PTPRG: variants seen among roughly 807,000 people sequenced by gnomAD.
PTPRG encodes receptor-type tyrosine-protein phosphatase gamma.
PTPRG carries 102 observed loss-of-function variants against 165.3 expected under a neutral mutation model. The ratio of observed to expected loss-of-function variants is 0.62; its 90% CI spans 0.53 to 0.73. PTPRG has a LOEUF of 0.73. PTPRG is among the 30% of genes least tolerant of loss of function. The probability of loss-of-function intolerance (pLI) is 0.00; values close to 1 mark genes in which losing one functional copy is unlikely to be tolerated. For synonymous variants in PTPRG, 675 were observed against 669.5 expected, an observed-to-expected ratio of 1.01 and a Z score of -0.13; for missense variants, 1,866 against 1,861.4, an observed-to-expected ratio of 1.00 and a Z score of -0.05.
At chr3:62,209,156 A>G (rs1700299745) in intron 12 of PTPRG, among the ~76,000 whole-genome samples, 1 of 152,214 alleles carries the variant, frequency 6.6e-6, no homozygotes, top group African/African-American at 2.4e-5. Context: ...GTGGTTCTCA[A>G]CCAGAGGGAA....
At chr3:61,667,505 C>G (rs1228333780) in intron 1 of PTPRG, among the ~76,000 whole-genome samples, 4 of 152,184 alleles carry the variant, frequency 2.6e-5, no homozygotes, top group Non-Finnish European at 4.4e-5. Context: ...CCAGCTACGA[C>G]TCTAAGCACT....
chr3:61,949,890 GGCACCCGCCACC>G (rs1258841355), intron 2 of PTPRG, among the ~76,000 whole-genome samples: 1 of 152,114 alleles, frequency 6.6e-6, no homozygotes, highest in Non-Finnish European at 1.5e-5. Context: ...TGGGACTACA[GGCACCCGCCACC>G]GTGCCCGGCT....
intron 1 of PTPRG, among the ~76,000 whole-genome samples, chr3:61,649,668 G>A (rs1038992484): frequency 1.1e-4 from 17 of 152,182 alleles, no homozygotes; most frequent in Non-Finnish European, 5.9e-5. Context: ...AATCACAGCA[G>A]GGCTAAATCA....
rs964957115 is a variant in PTPRG at position 62,252,304 on chromosome 3, G to A, written c.2468-2820G>A. 6.6e-6 allele frequency among the ~76,000 whole-genome samples: 1 copy of A among 152,104 alleles called. No homozygotes were observed. Among genetic ancestry groups the A allele is most frequent in the Non-Finnish European group, 1.5e-5 (1 of 68,012 alleles). On this transcript the variant is annotated intron_variant, in intron 15 of 29. Coordinates refer to ENST00000474889, the MANE Select transcript of PTPRG (RefSeq NM_002841.4). The surrounding 1 kb of genome is among the most constrained non-coding windows in gnomAD (Gnocchi z 4.6). ...GGCTGAATACTAGGTGCTCAGAAAC[G>A]GCTTCATCCAGGGGTTTCCCATTCT...
chr3:61,672,600 T>C (rs952294279), intron 1 of PTPRG, among the ~76,000 whole-genome samples: 1 of 150,830 alleles, frequency 6.6e-6, no homozygotes, highest in African/African-American at 2.4e-5. Flanking sequence ...CCGCCTGCAA[T>C]TGCAGGCACT....
rs1703073169 is a variant in PTPRG at position 62,296,660 on chromosome 3, T to C, written c.*3353T>C. 6.6e-6 allele frequency: 1 copy of C among 151,848 alleles called. No individual in the cohort carries two copies. The highest frequency in any genetic ancestry group is 2.1e-4 in the South Asian group (1 of 4,824). The allele number at this position is 151,848 out of a possible 1,614,324, so 9.4% of individuals were successfully genotyped here. ...AGGGAAAATGCCTGCTTTTTTTTTT[T>C]TTTTAACAGATGTAATTTCACTTAA... is the stretch of plus-strand genomic sequence containing the variant. On this transcript the variant is annotated 3_prime_UTR_variant, in exon 30 of 30. Transcript: ENST00000474889.
At chr3:62,141,878 G>T (rs887585138) in intron 6 of PTPRG, among the ~76,000 whole-genome samples, 1 of 151,844 alleles carries the variant, frequency 6.6e-6, no homozygotes, top group Non-Finnish European at 1.5e-5. Flanking sequence ...TCCAGCCTGG[G>T]TGACAGGGCA....
In PTPRG at chr3:62,237,899, A is replaced by G. The variant is rs1268538921; in HGVS notation, c.2376-5908A>G. ...ACTTCCAATCAAACCTTTCTTAGAA[A>G]TCTTTTGAAGATATATGAGCCCGTG... On this transcript the variant is annotated intron_variant, in intron 14 of 29. Transcript: ENST00000474889. The surrounding 1 kb of genome is among the most constrained non-coding windows in gnomAD (Gnocchi z 4.5). Among the ~76,000 whole-genome samples, 1 of 152,202 alleles carries G rather than the reference A, an allele frequency of 6.6e-6. No individual in the cohort carries two copies. Among genetic ancestry groups the G allele is most frequent in the East Asian group, 1.9e-4 (1 of 5,188 alleles).
chr3:61,703,429 T>C (rs951881452), intron 1 of PTPRG, among the ~76,000 whole-genome samples: 2 of 152,236 alleles, frequency 1.3e-5, no homozygotes, highest in Non-Finnish European at 2.9e-5. Flanking sequence ...CTGACATTTT[T>C]TCTCTTTTGG....
At chr3:62,215,546 A>ACCCCCCCCCCC (rs35317755) in intron 12 of PTPRG, among the ~76,000 whole-genome samples, 4 of 63,758 alleles carry the variant, frequency 6.3e-5, no homozygotes, top group African/African-American at 2.6e-4. Flanking sequence ...CCCTACGGGA[A>ACCCCCCCCCCC]CCCCCCCCCC....
At chr3:61,608,851 G>A (rs756770385) in intron 1 of PTPRG, among the ~76,000 whole-genome samples, 5 of 152,140 alleles carry the variant, frequency 3.3e-5, no homozygotes, top group African/African-American at 4.8e-5. Flanking sequence ...GGATTTCATC[G>A]TCTTTACGCT....
At chr3:62,216,974 A>G (rs562912070) in intron 12 of PTPRG, among the ~76,000 whole-genome samples, 5 of 152,182 alleles carry the variant, frequency 3.3e-5, no homozygotes, top group Admixed American at 6.5e-5. Context: ...CTATTCCCCT[A>G]TGGCCCCCTG....
chr3:61,857,575 A>G (rs1038073373), intron 2 of PTPRG, among the ~76,000 whole-genome samples: 2 of 152,132 alleles, frequency 1.3e-5, no homozygotes, highest in African/African-American at 4.8e-5. Flanking sequence ...TTTTATTTCA[A>G]GGGTTTAAAA....
chr3:61,643,211 C>T (rs981195739), intron 1 of PTPRG, among the ~76,000 whole-genome samples: 1 of 152,044 alleles, frequency 6.6e-6, no homozygotes, highest in Non-Finnish European at 1.5e-5. Flanking sequence ...GATTGCTTGA[C>T]CCCACAAGTT....
chr3:62,001,978 C>T (rs1312092336), intron 3 of PTPRG, among the ~76,000 whole-genome samples: 3 of 152,288 alleles, frequency 2.0e-5, no homozygotes, highest in South Asian at 4.1e-4. Flanking sequence ...GTGAAGGTGG[C>T]ACAGTGCTGT....
At chr3:61,871,048 A>AG (rs1378869205) in intron 2 of PTPRG, among the ~76,000 whole-genome samples, 3 of 152,014 alleles carry the variant, frequency 2.0e-5, no homozygotes, top group Non-Finnish European at 4.4e-5. Flanking sequence ...TCTAGAATGA[A>AG]GGGGCAATCA....
intron 16 of PTPRG, among the ~76,000 whole-genome samples, chr3:62,261,437 G>A (rs1237831636): frequency 6.6e-6 from 1 of 152,118 alleles, no homozygotes; most frequent in Non-Finnish European, 1.5e-5. Flanking sequence ...AGAGCCAAAG[G>A]GCAGCCTTAA....
intron 2 of PTPRG, among the ~76,000 whole-genome samples, chr3:61,896,406 A>C (rs1575762868): frequency 6.6e-6 from 1 of 152,206 alleles, no homozygotes; most frequent in Non-Finnish European, 1.5e-5. Flanking sequence ...TTTATTGTTG[A>C]GTAATATGCC....
intron 2 of PTPRG, among the ~76,000 whole-genome samples, chr3:61,785,309 T>A (rs2034661068): frequency 6.6e-6 from 1 of 152,182 alleles, no homozygotes; most frequent in African/African-American, 2.4e-5. Flanking sequence ...AAACGTGCAA[T>A]TTAGCACCTA....
Sources: allele counts gnomAD v4.1 joint callset (sites outside exome capture counted in the v4.1 genomes callset), GRCh38; gene constraint gnomAD v4.1.1; non-coding constraint Gnocchi (gnomAD v3.1); transcripts MANE v1.5; gene names NCBI Gene and HGNC (gene_info 2026-07-23, HGNC 2026-07-21).